Variants in ARHGAP45 observed in about 807,000 individuals in gnomAD.
The protein encoded by ARHGAP45 is Rho GTPase activating protein 45.
In ARHGAP45, 56 loss-of-function variants were observed where a neutral mutation model predicts 116.1. That is an observed-to-expected ratio of 0.48 (90% CI 0.39 to 0.60). ARHGAP45 has a LOEUF of 0.60. ARHGAP45 is among the 20% of genes least tolerant of loss of function. ARHGAP45 has a pLI of 0.00. For synonymous variants in ARHGAP45, 866 were observed against 701.7 expected (o/e 1.23, Z -3.70); for missense variants, 1,622 against 1,601.0 (o/e 1.01, Z -0.22).
At position 1,081,633 on chromosome 19, in the gene ARHGAP45, G is replaced by A. The variant is rs2043436936; in HGVS notation, c.2274G>A (p.Leu758=). ...GHKKLQGRLQ[L]FGQDFSHAAR... is the part of the protein sequence containing the mutation. ...AGAAGCTGCAAGGCCGCCTGCAGCT[G>A]TTCGGCCAGGACTTCAGCCACGCGG... Residue 758 remains leucine, a synonymous_variant, in exon 18 of 23, where the codon CTG becomes CTA. Coordinates refer to ENST00000313093, the MANE Select transcript of ARHGAP45 (RefSeq NM_012292.5). 5.1e-6 allele frequency: 8 copies of A among 1,572,846 alleles called. No individual in the cohort carries two copies. Among genetic ancestry groups the A allele is most frequent in the Non-Finnish European group, 6.9e-6 (8 of 1,159,340 alleles).
chr19:1,074,054 G>T, intron 6 of ARHGAP45, 40 bp downstream of exon 6: 1 of 1,603,214 alleles, frequency 6.2e-7, no homozygotes. Flanking sequence ...TTTGAGGGGT[G>T]GGCCATTGCG....
At position 1,067,424 on chromosome 19, in the gene ARHGAP45, C is replaced by A; in HGVS notation, c.19C>A (p.Arg7=). 6.3e-7 allele frequency: 1 copy of A among 1,598,966 alleles called. No homozygotes were observed. Among genetic ancestry groups the A allele is most frequent in the Non-Finnish European group, 8.5e-7 (1 of 1,173,340 alleles). ...CCCCATCATGTTCTCCAGGAAGAAA[C>A]GAGAGCTCATGAAAACCCCTTCCAT... MFSRKK[R]ELMKTPSISK... Residue 7 remains arginine, a synonymous_variant, in exon 1 of 23, where the codon CGA becomes AGA. Coordinates refer to ENST00000313093, the MANE Select transcript of ARHGAP45 (RefSeq NM_012292.5).
upstream of ARHGAP45, chr19:1,067,148 C>A: frequency 1.7e-6 from 2 of 1,182,664 alleles, no homozygotes; most frequent in Non-Finnish European, 2.1e-6. Context: ...GCGGGGCCTG[C>A]GACCTCACCT....
intron 21 of ARHGAP45, 37 bp from the exon 22 acceptor site, chr19:1,084,201 C>T (rs762595649): frequency 2.2e-5 from 35 of 1,567,354 alleles, no homozygotes; most frequent in Non-Finnish European, 2.7e-5. Flanking sequence ...GAAAATGGAG[C>T]CCCGGCCCCT....
chr19:1,074,096 C>G lies in ARHGAP45; in HGVS notation c.791-8C>G. On this transcript the variant is annotated splice_polypyrimidine_tract_variant and splice_region_variant and intron_variant, in intron 6 of 22. Coordinates refer to ENST00000313093, the MANE Select transcript of ARHGAP45 (RefSeq NM_012292.5). Reference sequence around the variant, plus strand: ...GGGCCAGGCTGAGCAGGCCCCCGTTCCCTGCAGGCTGCCTGCCCGCCGAGG... The same window carrying G: ...GGGCCAGGCTGAGCAGGCCCCCGTTGCCTGCAGGCTGCCTGCCCGCCGAGG... 6.2e-7 allele frequency: 1 copy of G among 1,610,980 alleles called. No individual in the cohort carries two copies. Among genetic ancestry groups the G allele is most frequent in the South Asian group, 1.1e-5 (1 of 90,802 alleles).
In ARHGAP45 at chr19:1,074,011, G is replaced by T; in HGVS notation, c.787G>T (p.Ala263Ser). Residue 263 changes from alanine (A) to serine (S), a missense_variant, in exon 6 of 23, where the codon GCC (alanine) becomes TCC (serine). By Grantham distance (99) the Ala-to-Ser change is moderately conservative. Coordinates refer to ENST00000313093, the MANE Select transcript of ARHGAP45 (RefSeq NM_012292.5). ...GTPPSLEDCD[A>S]GCLPAEEVDV... ...GCCTCCCAGCCTGGAAGACTGTGAC[G>T]CCGGTAAGCCCCCACCCAGCGGCAG... The T allele has an allele frequency of 6.3e-7, 1 of 1,596,244 alleles. No individual in the cohort carries two copies. The highest frequency in any genetic ancestry group is 2.3e-5 in the East Asian group (1 of 43,804).
chr19:1,070,097 G>C (rs955240821), intron 2 of ARHGAP45, among the ~76,000 whole-genome samples: 2 of 151,848 alleles, frequency 1.3e-5, no homozygotes, highest in African/African-American at 2.4e-5. Context: ...TCGGGTTCAA[G>C]TGATTCTTCT....
chr19:1,083,881 C>T (rs13344639), intron 21 of ARHGAP45, among the ~76,000 whole-genome samples: 6,573 of 152,282 alleles, frequency 0.043, 193 homozygotes, highest in African/African-American at 0.089. Flanking sequence ...GCTGGGACTA[C>T]AGGCGCCGGC....
chr19:1,074,761 G>A, intron 9 of ARHGAP45, 37 bp downstream of exon 9: 2 of 1,597,662 alleles, frequency 1.3e-6, no homozygotes, highest in Non-Finnish European at 1.7e-6. Context: ...GGGCGGGGGT[G>A]TCACCGGGGT....
intron 13 of ARHGAP45, 66 bp downstream of exon 13, chr19:1,080,184 G>A (rs538742323): frequency 2.2e-5 from 36 of 1,610,608 alleles, no homozygotes; most frequent in Non-Finnish European, 3.0e-5. Context: ...GCTTCCCTCT[G>A]TCGGGGGCAT....
Position 1,069,756 on chromosome 19 carries a change from G to A in ARHGAP45, c.421+1012G>A, listed in dbSNP as rs1334975009. Among the ~76,000 whole-genome samples, 1 of 152,052 alleles carries A rather than the reference G, an allele frequency of 6.6e-6. No individual in the cohort carries two copies. The highest frequency in any genetic ancestry group is 1.5e-5 in the Non-Finnish European group (1 of 67,994). On this transcript the variant is annotated intron_variant, in intron 2 of 22. Coordinates refer to ENST00000313093, the MANE Select transcript of ARHGAP45 (RefSeq NM_012292.5). The surrounding 1 kb of genome is among the most constrained non-coding windows in gnomAD (Gnocchi z 4.1). Reference sequence around the variant, plus strand: ...GCGCTTCCTTGGAGGCCTGGCCTGGGCGGGGCTCAGCTCCCAGGCTCCTGC... The same window carrying A: ...GCGCTTCCTTGGAGGCCTGGCCTGGACGGGGCTCAGCTCCCAGGCTCCTGC...
In ARHGAP45 at chr19:1,077,910, C is replaced by T. The variant is rs745321836; in HGVS notation, c.1239C>T (p.Cys413=). The change falls in exon 11 of 23, where the codon TGC becomes TGT. Residue 413 remains cysteine (C), a synonymous_variant. Coordinates refer to ENST00000313093, the MANE Select transcript of ARHGAP45 (RefSeq NM_012292.5). The part of the protein sequence containing the change: ...RKAKQGYVQR[C]EDHDKARFLV... ...CCAAGCAGGGTTACGTGCAGCGCTGCGAGGACCACGACAAGGCTCGCTTCC... is the reference window on the plus strand; with the variant it reads ...CCAAGCAGGGTTACGTGCAGCGCTGTGAGGACCACGACAAGGCTCGCTTCC... The T allele has an allele frequency of 1.1e-5, 17 of 1,554,106 alleles. No individual in the cohort carries two copies. The highest frequency in any genetic ancestry group is 5.8e-5 in the Admixed American group (3 of 51,296).
chr19:1,066,054 G>A (rs893067540), upstream of ARHGAP45: 119 of 1,535,572 alleles, frequency 7.7e-5, no homozygotes, highest in Non-Finnish European at 9.7e-5. Context: ...GTTCTCAAGG[G>A]TCTGCTGGGC....
chr19:1,077,687 C>T (rs2043291188), intron 10 of ARHGAP45, 170 bp from the exon 11 acceptor site: 2 of 1,471,080 alleles, frequency 1.4e-6, no homozygotes, highest in Non-Finnish European at 1.8e-6. Context: ...CGCCCGGCCA[C>T]TCCTCCTGTT....
Position 1,081,805 on chromosome 19 carries a change from C to T in ARHGAP45, c.2380-19C>T. Reference sequence around the variant, plus strand: ...GTGGGCCGAGGCTGATGGGCCTCCCCACCCCCGGGCTCCCGCAGGGCATCT... The same window carrying T: ...GTGGGCCGAGGCTGATGGGCCTCCCTACCCCCGGGCTCCCGCAGGGCATCT... On this transcript the variant is annotated intron_variant, in intron 18 of 22. Coordinates refer to ENST00000313093, the MANE Select transcript of ARHGAP45 (RefSeq NM_012292.5). The T allele has an allele frequency of 1.9e-6, 3 of 1,594,654 alleles. No homozygotes were observed. The highest frequency in any genetic ancestry group is 1.1e-5 in the South Asian group (1 of 89,138).
At chr19:1,083,844 G>C (rs1173111892) in intron 21 of ARHGAP45, among the ~76,000 whole-genome samples, 5 of 152,182 alleles carry the variant, frequency 3.3e-5, no homozygotes, top group African/African-American at 1.2e-4. Context: ...AGGTTCAAGC[G>C]ATTCTCCTGC....
At position 1,068,648 on chromosome 19, in the gene ARHGAP45, G is replaced by T; in HGVS notation, c.325G>T (p.Gly109Cys). The T allele has an allele frequency of 6.2e-7, 1 of 1,612,558 alleles. No individual in the cohort carries two copies. Among genetic ancestry groups the T allele is most frequent in the Non-Finnish European group, 8.5e-7 (1 of 1,179,928 alleles). Residue 109 changes from glycine (G) to cysteine (C), a missense_variant, in exon 2 of 23, where the codon GGC becomes TGC. By Grantham distance (159) the Gly-to-Cys change is radical (BLOSUM62 -3). Coordinates refer to ENST00000313093, the MANE Select transcript of ARHGAP45 (RefSeq NM_012292.5). The surrounding 1 kb of genome is among the most constrained non-coding windows in gnomAD (Gnocchi z 7.5). ...SPGELPTEGA[G>C]PDVVEDISHL... is the part of the protein sequence containing the mutation. The stretch of plus-strand genomic sequence containing the variant: ...GGGCGAGCTGCCCACCGAGGGTGCC[G>T]GCCCGGACGTCGTCGAGGACATCTC...
chr19:1,070,750 C>T, intron 2 of ARHGAP45, among the ~76,000 whole-genome samples: 1 of 152,128 alleles, frequency 6.6e-6, no homozygotes, highest in South Asian at 2.1e-4. Flanking sequence ...TCCCAAAGTG[C>T]TGGGATAACA....
At position 1,077,682 on chromosome 19, in the gene ARHGAP45, G is replaced by A. The variant is rs79128704; in HGVS notation, c.1186-175G>A. The A allele has an allele frequency of 5.9e-3, 8,708 of 1,466,702 alleles. 412 individuals are homozygous for A. In the African/African-American group the frequency reaches 0.1, roughly 18 times the overall value. 90.9% of individuals were successfully genotyped at this position (1,466,702 alleles called of 1,614,324 possible). ...ATTACAGACGTGAGCCACCGCGCCCGGCCACTCCTCCTGTTTTTCCGCTGC... is the reference window on the plus strand; with the variant it reads ...ATTACAGACGTGAGCCACCGCGCCCAGCCACTCCTCCTGTTTTTCCGCTGC... On this transcript the variant is annotated intron_variant, in intron 10 of 22. Coordinates refer to ENST00000313093, the MANE Select transcript of ARHGAP45 (RefSeq NM_012292.5).
Sources: gnomAD v4.1 joint callset for allele counts (sites outside exome capture counted in the v4.1 genomes callset) on GRCh38, gnomAD v4.1.1 for gene constraint, Gnocchi (gnomAD v3.1) non-coding constraint, MANE v1.5 for transcripts, NCBI Gene and HGNC (gene_info 2026-07-23, HGNC 2026-07-21) for gene names.